The following AGO2 variants were observed in gnomAD, a reference collection of about 807,000 sequenced individuals.
AGO2 encodes the protein protein argonaute-2.
Under a neutral mutation model 102.3 loss-of-function variants are expected in AGO2, and 5 were observed. That is an observed-to-expected ratio of 0.05 (90% CI 0.03 to 0.10). AGO2 has a LOEUF of 0.10. Ranked by LOEUF, AGO2 falls within the 10% of genes least tolerant of loss-of-function variation. The pLI is 1.00. For missense variants in AGO2, 541 were observed against 1,183.7 expected, an observed-to-expected ratio of 0.46 and a Z score of 7.97; for synonymous variants, 449 against 473.1, an observed-to-expected ratio of 0.95 and a Z score of 0.66.
rs1188699493 is a variant in AGO2 at position 140,581,866 on chromosome 8, TTC to T, written c.215+3251_215+3252del. ...GATATGAGAACTAAGTCCCCAGACA[TTC>T]TCTCTCTTAGCATATTCAGAGTTCT... On this transcript the variant is annotated intron_variant, in intron 2 of 18. Coordinates refer to ENST00000220592, the MANE Select transcript of AGO2 (RefSeq NM_012154.5). 7.9e-5 allele frequency among the ~76,000 whole-genome samples: 12 copies of T among 152,322 alleles called. No homozygotes were observed. In the East Asian group the frequency reaches 1.9e-3, roughly 24 times the overall value.
At chr8:140,541,030 G>T in intron 15 of AGO2, 134 bp downstream of exon 15, 1 of 1,065,784 alleles carries the variant, frequency 9.4e-7, no homozygotes, top group Non-Finnish European at 1.3e-6. Flanking sequence ...CCCCTTCCAT[G>T]GTGTGACCAG....
chr8:140,541,783 A>G (rs986186620), intron 14 of AGO2, among the ~76,000 whole-genome samples: 6 of 152,056 alleles, frequency 3.9e-5, no homozygotes, highest in African/African-American at 1.4e-4. Flanking sequence ...CGTGCCTGTA[A>G]TCCTAGCTAC....
intron 7 of AGO2, 37 bp downstream of exon 7, chr8:140,558,448 C>G (rs1564085612): frequency 6.2e-7 from 1 of 1,610,654 alleles, no homozygotes; most frequent in Admixed American, 1.7e-5. Context: ...ACAGTGGGGG[C>G]CCCAGCCAAG....
rs34314813 is a variant in AGO2 at position 140,540,365 on chromosome 8, C to A, written c.2034+799G>T. On this transcript the variant is annotated intron_variant, in intron 15 of 18. Coordinates refer to ENST00000220592, the MANE Select transcript of AGO2 (RefSeq NM_012154.5). This position sits in a 1 kb window ranked among gnomAD's most constrained non-coding sequence, Gnocchi z 5.0. ...TCCCACCCCACTGGGTGGGGCTCCT[C>A]CCCCAACATGCCTGGGGCCGCTTTC... Among the ~76,000 whole-genome samples, 20 of 152,192 alleles carry A rather than the reference C, an allele frequency of 1.3e-4. No homozygotes were observed. The highest frequency in any genetic ancestry group is 4.8e-4 in the African/African-American group (20 of 41,538).
chr8:140,614,015 C>CA (rs59000809), intron 1 of AGO2, among the ~76,000 whole-genome samples: 5,425 of 57,494 alleles, frequency 0.094, 487 homozygotes, highest in African/African-American at 0.13. Context: ...GACCCTGTCT[C>CA]AAAAAAAAAA....
chr8:140,549,044 C>T (rs2072950442), intron 12 of AGO2, 70 bp downstream of exon 12: 1 of 1,511,560 alleles, frequency 6.6e-7, no homozygotes, highest in African/African-American at 1.4e-5. Context: ...CACAGAGGGG[C>T]TTAGGCAGGA....
chr8:140,546,020 G>A (rs2072893359), intron 13 of AGO2, among the ~76,000 whole-genome samples: 1 of 152,320 alleles, frequency 6.6e-6, no homozygotes, highest in Middle Eastern at 3.4e-3. Context: ...CATGACCTGG[G>A]TGCCTCCACC....
chr8:140,551,444 T>G lies in AGO2; in HGVS notation c.1270-8A>C. Reference sequence around the variant, plus strand: ...GGTCGCAATAGCTTTATTCTGCAAATGGCAAAAGGTTCAGGGTGAGAAAAA... The same window carrying G: ...GGTCGCAATAGCTTTATTCTGCAAAGGGCAAAAGGTTCAGGGTGAGAAAAA... On this transcript the variant is annotated splice_region_variant and splice_polypyrimidine_tract_variant and intron_variant, in intron 10 of 18. Coordinates refer to ENST00000220592, the MANE Select transcript of AGO2 (RefSeq NM_012154.5). 1.3e-6 allele frequency: 2 copies of G among 1,548,054 alleles called. No individual in the cohort carries two copies. The highest frequency in any genetic ancestry group is 1.8e-6 in the Non-Finnish European group (2 of 1,139,388).
chr8:140,634,619 G>A (rs2152112877), intron 1 of AGO2, among the ~76,000 whole-genome samples: 1 of 152,356 alleles, frequency 6.6e-6, no homozygotes, highest in South Asian at 2.1e-4. Flanking sequence ...ACGCGTTACC[G>A]CTTTAAGTTT....
intron 1 of AGO2, among the ~76,000 whole-genome samples, chr8:140,588,560 G>A (rs1175784880): frequency 1.4e-5 from 2 of 139,128 alleles, no homozygotes; most frequent in African/African-American, 5.2e-5. Context: ...TTCCATTTGT[G>A]AGGGAAGGAG....
intron 16 of AGO2, among the ~76,000 whole-genome samples, chr8:140,537,068 A>G (rs1252017736): frequency 6.6e-6 from 1 of 152,228 alleles, no homozygotes; most frequent in Non-Finnish European, 1.5e-5. Context: ...TTAATGCATG[A>G]GCTACTCAGC....
At chr8:140,596,108 CA>C (rs1159404269) in intron 1 of AGO2, among the ~76,000 whole-genome samples, 1 of 149,406 alleles carries the variant, frequency 6.7e-6, no homozygotes, top group African/African-American at 2.5e-5. Context: ...CTCGGCCTCC[CA>C]AAGTGTTGGG....
At chr8:140,622,209 G>A (rs2074226582) in intron 1 of AGO2, among the ~76,000 whole-genome samples, 1 of 152,200 alleles carries the variant, frequency 6.6e-6, no homozygotes, top group South Asian at 2.1e-4. Context: ...GAACGCAGAT[G>A]GGTAGTTCCC....
chr8:140,616,153 G>A (rs749002199), intron 1 of AGO2, among the ~76,000 whole-genome samples: 1 of 152,170 alleles, frequency 6.6e-6, no homozygotes, highest in East Asian at 1.9e-4. Flanking sequence ...TGTGCCAGAC[G>A]AGACTCCTCA....
In AGO2 at chr8:140,567,256, G is replaced by C. The variant is rs984978998; in HGVS notation, c.337-4622C>G. 6.6e-6 allele frequency among the ~76,000 whole-genome samples: 1 copy of C among 152,248 alleles called. No individual in the cohort carries two copies. Among genetic ancestry groups the C allele is most frequent in the African/African-American group, 2.4e-5 (1 of 41,470 alleles). On this transcript the variant is annotated intron_variant, in intron 3 of 18. Coordinates refer to ENST00000220592, the MANE Select transcript of AGO2 (RefSeq NM_012154.5). The surrounding 1 kb of genome is among the most constrained non-coding windows in gnomAD (Gnocchi z 5.0). ...CATCCCACGTCCACAGTGGCTGGCT[G>C]GTGCTCGTGTGTGGCAGCTTAGGGC...
intron 3 of AGO2, among the ~76,000 whole-genome samples, chr8:140,569,874 C>T (rs991225282): frequency 2.0e-5 from 3 of 152,192 alleles, no homozygotes; most frequent in Non-Finnish European, 2.9e-5. Context: ...CGATGTGACA[C>T]GGGCCCCCTG....
chr8:140,568,029 GCAGGTGGATCACAAGGT>G (rs2073316289), intron 3 of AGO2, among the ~76,000 whole-genome samples: 1 of 149,420 alleles, frequency 6.7e-6, no homozygotes, highest in African/African-American at 2.5e-5. Context: ...GGAGGCCCAG[GCAGGTGGATCACAAGGT>G]CAGGAGTTTG....
At chr8:140,600,762 G>C (rs2073922234) in intron 1 of AGO2, among the ~76,000 whole-genome samples, 1 of 151,520 alleles carries the variant, frequency 6.6e-6, no homozygotes, top group Non-Finnish European at 1.5e-5. Flanking sequence ...AGGCCTCCAT[G>C]TCTGCTGGCG....
At chr8:140,635,369 G>C (rs2152113297) in intron 1 of AGO2, 116 bp downstream of exon 1, 175 of 434,456 alleles carry the variant, frequency 4.0e-4, no homozygotes, top group Non-Finnish European at 4.9e-4. Flanking sequence ...CCCGGCCCCC[G>C]CCGCCCCGAC....
Sources: gnomAD v4.1 joint callset for allele counts (sites outside exome capture counted in the v4.1 genomes callset) on GRCh38, gnomAD v4.1.1 for gene constraint, Gnocchi (gnomAD v3.1) non-coding constraint, MANE v1.5 for transcripts, NCBI Gene and HGNC (gene_info 2026-07-23, HGNC 2026-07-21) for gene names.